KIAA1549: variants seen among roughly 807,000 people sequenced by gnomAD.
KIAA1549 encodes the protein KIAA1549.
In KIAA1549, 70 loss-of-function variants were observed where a neutral mutation model predicts 156.4. That is an observed-to-expected ratio of 0.45 (90% CI 0.37 to 0.55). The LOEUF (loss-of-function observed/expected upper bound fraction) is 0.55, where lower values mean the gene tolerates loss of function less well. KIAA1549 is among the 20% of genes least tolerant of loss of function. The pLI is 0.00. For missense variants in KIAA1549, 2,428 were observed against 2,540.9 expected, an observed-to-expected ratio of 0.96 and a Z score of 0.96; for synonymous variants, 1,103 against 1,066.4, an observed-to-expected ratio of 1.03 and a Z score of -0.67.
At chr7:138,905,332 G>A (rs920079150) in intron 6 of KIAA1549, among the ~76,000 whole-genome samples, 4 of 152,310 alleles carry the variant, frequency 2.6e-5, no homozygotes, top group African/African-American at 4.8e-5. Context: ...AGAGGTCACC[G>A]GCAAGTTCTC....
chr7:138,884,391 C>T (rs1811333092), intron 10 of KIAA1549, among the ~76,000 whole-genome samples: 2 of 152,118 alleles, frequency 1.3e-5, no homozygotes, highest in South Asian at 4.1e-4. Flanking sequence ...CCTGAAAAAC[C>T]GAGTTCTTGG....
intron 8 of KIAA1549, among the ~76,000 whole-genome samples, chr7:138,902,760 G>C (rs1435588256): frequency 6.6e-6 from 1 of 152,038 alleles, no homozygotes; most frequent in Non-Finnish European, 1.5e-5. Flanking sequence ...AGTGAGCTGA[G>C]ATCATGCCAC....
intron 8 of KIAA1549, among the ~76,000 whole-genome samples, chr7:138,903,312 T>C (rs1811895224): frequency 6.6e-6 from 1 of 152,218 alleles, no homozygotes; most frequent in African/African-American, 2.4e-5. Flanking sequence ...TGTGATGATA[T>C]GGCAACCCAG....
intron 17 of KIAA1549, among the ~76,000 whole-genome samples, chr7:138,848,798 G>T (rs1810154676): frequency 6.6e-6 from 1 of 151,898 alleles, no homozygotes; most frequent in Non-Finnish European, 1.5e-5. Flanking sequence ...AAGTCCCCTG[G>T]GCCTGGAGTT....
Position 138,919,299 on chromosome 7 carries a change from G to A in KIAA1549, c.327C>T (p.Val109=), listed in dbSNP as rs1760333117. The A allele has an allele frequency of 5.0e-6, 8 of 1,614,040 alleles. No individual in the cohort carries two copies. Among genetic ancestry groups the A allele is most frequent in the Non-Finnish European group, 6.8e-6 (8 of 1,179,900 alleles). The change falls in exon 2 of 20, where the codon GTC becomes GTT. Residue 109 remains valine (V), a synonymous_variant. Coordinates refer to ENST00000422774, the MANE Select transcript of KIAA1549 (RefSeq NM_001164665.2). ...AAGTAGTGGCAGACGGCGGGGCTGT[G>A]ACATGGAGAGGACTGCTGTGCTGGG... ...PGSQHSSPLH[V]TAPPSATTFD... is the part of the protein sequence containing the mutation.
Position 138,981,245 on chromosome 7 carries a change from G to C in KIAA1549, c.25C>G (p.Arg9Gly). Reference protein sequence around the residue: MPGARRRRRGAAMEGKPRA... With the variant: MPGARRRRGGAAMEGKPRA... ...GGCTTCCCCTCCATGGCCGCGCCTC[G>C]GCGTCGGCGCCGCGCCCCCGGCATT... The change falls in exon 1 of 20, where the codon CGA becomes GGA. Residue 9 changes from arginine (R) to glycine (G), a missense_variant. Coordinates refer to ENST00000422774, the MANE Select transcript of KIAA1549 (RefSeq NM_001164665.2). This position sits in a 1 kb window ranked among gnomAD's most constrained non-coding sequence, Gnocchi z 4.5. 2.0e-6 allele frequency: 2 copies of C among 983,946 alleles called. No homozygotes were observed. The highest frequency in any genetic ancestry group is 2.4e-6 in the Non-Finnish European group (2 of 830,340). The allele number at this position is 983,946 out of a possible 1,614,324, so 61.0% of individuals were successfully genotyped here. A position where few individuals can be genotyped will look rare whatever the true frequency, so the allele number is the denominator to read the frequency against.
chr7:138,927,079 A>G (rs1812740302), intron 1 of KIAA1549, among the ~76,000 whole-genome samples: 1 of 152,246 alleles, frequency 6.6e-6, no homozygotes, highest in Admixed American at 6.5e-5. Context: ...ATCACATTGT[A>G]CATAATCTAC....
intron 8 of KIAA1549, 113 bp downstream of exon 8, chr7:138,903,475 A>G: frequency 1.8e-6 from 2 of 1,112,150 alleles, no homozygotes; most frequent in Middle Eastern, 2.6e-4. Context: ...GAAATTTCTC[A>G]TGGCACTTCT....
chr7:138,840,391 A>G lies in KIAA1549; in HGVS notation c.5453-113T>C, dbSNP rs1215609172. The G allele has an allele frequency of 5.5e-6, 5 of 910,974 alleles. No individual in the cohort carries two copies. In the East Asian group the frequency reaches 1.4e-4, roughly 25 times the overall value. The allele number at this position is 910,974 out of a possible 1,614,324, so 56.4% of individuals were successfully genotyped here. A position where few individuals can be genotyped will look rare whatever the true frequency, so the allele number is the denominator to read the frequency against. ...TCTGACCACTACACTCCTTAATGAC[A>G]AGGGATCAGGACTTGGTACCAGTTC... On this transcript the variant is annotated intron_variant, in intron 18 of 19. Transcript: ENST00000422774.
intron 16 of KIAA1549, among the ~76,000 whole-genome samples, chr7:138,852,635 G>A (rs1461980947): frequency 6.6e-6 from 1 of 152,144 alleles, no homozygotes; most frequent in African/African-American, 2.4e-5. Flanking sequence ...TTGCTAAAAG[G>A]CAGGCCTGAA....
chr7:138,921,572 A>T (rs756738587), intron 1 of KIAA1549, among the ~76,000 whole-genome samples: 9 of 152,230 alleles, frequency 5.9e-5, no homozygotes, highest in Non-Finnish European at 1.3e-4. Flanking sequence ...ACCGTATAAA[A>T]GATGGAAATT....
chr7:138,940,605 G>T (rs1055226338), intron 1 of KIAA1549, among the ~76,000 whole-genome samples: 7 of 151,976 alleles, frequency 4.6e-5, no homozygotes, highest in African/African-American at 1.7e-4. Context: ...CTTCCACAAT[G>T]GTTGAACTAG....
intron 2 of KIAA1549, among the ~76,000 whole-genome samples, chr7:138,915,018 T>C (rs1275625668): frequency 2.0e-5 from 3 of 152,196 alleles, no homozygotes; most frequent in Non-Finnish European, 4.4e-5. Flanking sequence ...GAAACTCTTT[T>C]CCCTCCTCCC....
At chr7:138,950,892 C>T (rs1229015372) in intron 1 of KIAA1549, among the ~76,000 whole-genome samples, 2 of 152,028 alleles carry the variant, frequency 1.3e-5, no homozygotes, top group Non-Finnish European at 2.9e-5. Flanking sequence ...TCATCAGACG[C>T]TCTCTCTACC....
At chr7:138,873,599 T>TA (rs57051860) in intron 12 of KIAA1549, among the ~76,000 whole-genome samples, 4,085 of 105,714 alleles carry the variant, frequency 0.039, 274 homozygotes, top group African/African-American at 0.13. Context: ...TGACAGGCAT[T>TA]AAAAAAAAAA....
At position 138,954,132 on chromosome 7, in the gene KIAA1549, A is replaced by ACAGCAACAG. The variant is rs1201430054; in HGVS notation, c.187+26950_187+26951insCTGTTGCTG. Reference sequence around the variant, plus strand: ...GATTAGTAATAAAAATTGGCTTCTAACAACAGCAAATAAATATACGATGGT... The same window carrying ACAGCAACAG: ...GATTAGTAATAAAAATTGGCTTCTAACAGCAACAGCAACAGCAAATAAATATACGATGGT... On this transcript the variant is annotated intron_variant, in intron 1 of 19. Transcript: ENST00000422774. 7.2e-5 allele frequency among the ~76,000 whole-genome samples: 11 copies of ACAGCAACAG among 152,296 alleles called. No individual in the cohort carries two copies. In the East Asian group the frequency reaches 1.7e-3, roughly 24 times the overall value.
intron 18 of KIAA1549, among the ~76,000 whole-genome samples, chr7:138,843,616 T>C (rs113819846): frequency 0.02 from 3,047 of 152,312 alleles, 87 homozygotes; most frequent in African/African-American, 0.069. Flanking sequence ...TTATCAAACA[T>C]GTATAATTTC....
chr7:138,838,270 C>T, intron 19 of KIAA1549, 110 bp from the exon 20 acceptor site: 4 of 1,165,290 alleles, frequency 3.4e-6, no homozygotes, highest in Non-Finnish European at 4.7e-6. Flanking sequence ...CATCCACCAA[C>T]TCAGCCCTCT....
At chr7:138,913,355 A>G (rs1338883869) in intron 2 of KIAA1549, among the ~76,000 whole-genome samples, 1 of 152,222 alleles carries the variant, frequency 6.6e-6, no homozygotes, top group Non-Finnish European at 1.5e-5. Context: ...AGGAAATAAA[A>G]TATTTCTCAT....
Sources: allele counts gnomAD v4.1 joint callset (sites outside exome capture counted in the v4.1 genomes callset), GRCh38; gene constraint gnomAD v4.1.1; non-coding constraint Gnocchi (gnomAD v3.1); transcripts MANE v1.5; gene names NCBI Gene and HGNC (gene_info 2026-07-23, HGNC 2026-07-21).